Variants in ABCC5 observed in about 807,000 individuals in gnomAD.
ABCC5 encodes the protein ATP-binding cassette sub-family C member 5.
In ABCC5, 61 loss-of-function variants were observed where a neutral mutation model predicts 160.9. The ratio of observed to expected loss-of-function variants is 0.38; its 90% CI spans 0.31 to 0.47. ABCC5 has a LOEUF of 0.47. ABCC5 is among the 20% of genes least tolerant of loss of function. ABCC5 has a pLI of 0.99. For synonymous variants in ABCC5, 666 were observed against 700.6 expected (o/e 0.95, Z 0.78); for missense variants, 1,308 against 1,813.3 (o/e 0.72, Z 5.06).
chr3:183,985,834 T>C (rs139401206), intron 5 of ABCC5: 138 of 183,888 alleles, frequency 7.5e-4, no homozygotes, highest in Non-Finnish European at 1.4e-3. Flanking sequence ...GGTGTATAAA[T>C]GTCAGCATCA....
At chr3:183,983,825 C>A (rs2108857084) in intron 5 of ABCC5, 1 of 985,432 alleles carries the variant, frequency 1.0e-6, no homozygotes, top group African/African-American at 1.7e-5. Context: ...CTCACAAACA[C>A]TGTACAGCAG....
chr3:183,924,145 A>C (rs1453634544), intron 29 of ABCC5, among the ~76,000 whole-genome samples: 1 of 150,138 alleles, frequency 6.7e-6, no homozygotes, highest in Non-Finnish European at 1.5e-5. Flanking sequence ...CAAATTCCTT[A>C]GTAGCTGGGA....
chr3:183,959,699 T>C (rs754715316), intron 17 of ABCC5, 34 bp downstream of exon 17: 1 of 1,472,878 alleles, frequency 6.8e-7, no homozygotes, highest in Non-Finnish European at 9.4e-7. Flanking sequence ...TAAACTTTGA[T>C]GACAAATCTA....
At chr3:183,994,007 A>G (rs1720015467) in intron 2 of ABCC5, among the ~76,000 whole-genome samples, 1 of 143,792 alleles carries the variant, frequency 7.0e-6, no homozygotes, top group Non-Finnish European at 1.5e-5. Flanking sequence ...TCTGTCACCC[A>G]GGATGGAGTG....
At chr3:184,004,070 G>A (rs1020232232) in intron 2 of ABCC5, among the ~76,000 whole-genome samples, 4 of 152,142 alleles carry the variant, frequency 2.6e-5, no homozygotes, top group African/African-American at 9.7e-5. Context: ...GTCTGGAATA[G>A]GACCCCAACA....
Position 183,925,602 on chromosome 3 carries a change from G to A in ABCC5, c.4165C>T (p.His1389Tyr), listed in dbSNP as rs370920413. The A allele has an allele frequency of 1.9e-6, 3 of 1,613,874 alleles. No homozygotes were observed. The highest frequency in any genetic ancestry group is 1.3e-5 in the African/African-American group (1 of 74,846). ...ATCCTATCGGAGCCTAGAACCGTGT[G>A]CAGGCGATGGGCAATGGTCAGCATG... is the stretch of plus-strand genomic sequence containing the variant. ...CTMLTIAHRL[H>Y]TVLGSDRIMV... is the part of the protein sequence containing the mutation. The change falls in exon 29 of 30, where the codon CAC (histidine) becomes TAC (tyrosine). Residue 1389 changes from histidine to tyrosine, a missense_variant. Coordinates refer to ENST00000334444, the MANE Select transcript of ABCC5 (RefSeq NM_005688.4).
chr3:184,015,578 G>T (rs781068285), intron 1 of ABCC5, among the ~76,000 whole-genome samples: 10 of 151,928 alleles, frequency 6.6e-5, no homozygotes, highest in Non-Finnish European at 1.3e-4. Flanking sequence ...GAATAAAAAG[G>T]ACTAAATCTC....
At chr3:183,957,777 T>TGTGTATATCACATCGGTTACACGA (rs1716292841) in intron 17 of ABCC5, among the ~76,000 whole-genome samples, 2 of 56,254 alleles carry the variant, frequency 3.6e-5, no homozygotes, top group East Asian at 6.4e-4. Context: ...CGGTTACACG[T>TGTGTATATCACATCGGTTACACGA]AAATCCGTGT....
intron 11 of ABCC5, among the ~76,000 whole-genome samples, chr3:183,970,998 G>A (rs756905613): frequency 1.8e-4 from 28 of 152,130 alleles, no homozygotes; most frequent in Non-Finnish European, 1.0e-4. Flanking sequence ...TGCTGGTTCC[G>A]AAATACATAG....
At chr3:183,953,815 G>A (rs1359786724) in intron 17 of ABCC5, among the ~76,000 whole-genome samples, 1 of 152,128 alleles carries the variant, frequency 6.6e-6, no homozygotes, top group Non-Finnish European at 1.5e-5. Flanking sequence ...ACAGTGATTC[G>A]GCACAGCTGG....
chr3:183,939,070 C>T (rs1714028556), intron 25 of ABCC5, among the ~76,000 whole-genome samples: 1 of 152,248 alleles, frequency 6.6e-6, no homozygotes, highest in Non-Finnish European at 1.5e-5. Context: ...TTTAGGCACA[C>T]TTCCTTTCGG....
intron 8 of ABCC5, among the ~76,000 whole-genome samples, chr3:183,981,123 T>G (rs576757957): frequency 6.6e-6 from 1 of 152,210 alleles, no homozygotes; most frequent in African/African-American, 2.4e-5. Context: ...TTTATTTAAA[T>G]TAAGTATCTA....
chr3:183,978,558 C>CTGGCAATCACCACCACAA lies in ABCC5; in HGVS notation c.1223_1240dup (p.Ile408_Ala413dup). The CTGGCAATCACCACCACAA allele has an allele frequency of 6.2e-7, 1 of 1,614,200 alleles. No homozygotes were observed. Among genetic ancestry groups the CTGGCAATCACCACCACAA allele is most frequent in the Admixed American group, 1.7e-5 (1 of 60,022 alleles). On this transcript the variant is annotated inframe_insertion, in exon 9 of 30. Transcript: ENST00000334444. ...CATATGAACAGAGAAGGTCACCACGCTGGCAATCACCACCACAATGGGAGC... is the reference window on the plus strand; with the variant it reads ...CATATGAACAGAGAAGGTCACCACGCTGGCAATCACCACCACAATGGCAATCACCACCACAATGGGAGC...
intron 2 of ABCC5, among the ~76,000 whole-genome samples, chr3:183,994,917 G>A (rs1481467575): frequency 6.7e-6 from 1 of 149,894 alleles, no homozygotes; most frequent in Non-Finnish European, 1.5e-5. Context: ...GAGTGCAATG[G>A]CATGATCACG....
At chr3:183,966,068 T>TGCAATGGTTCATG (rs1478905965) in intron 12 of ABCC5, among the ~76,000 whole-genome samples, 7 of 152,210 alleles carry the variant, frequency 4.6e-5, no homozygotes, top group Non-Finnish European at 8.8e-5. Flanking sequence ...TTGTGTTCAG[T>TGCAATGGTTCATG]TGCAATGGTT....
chr3:183,922,668 G>A (rs936091994), intron 29 of ABCC5, among the ~76,000 whole-genome samples: 2 of 152,248 alleles, frequency 1.3e-5, no homozygotes, highest in Non-Finnish European at 2.9e-5. Flanking sequence ...CTGTGGCAGA[G>A]GCTGAAATGC....
chr3:183,971,975 G>A (rs1212740466), intron 10 of ABCC5, 56 bp from the exon 11 acceptor site: 1 of 1,608,094 alleles, frequency 6.2e-7, no homozygotes, highest in Non-Finnish European at 8.5e-7. Context: ...AGACCAGGGA[G>A]ACAAGCCTAG....
At chr3:183,929,600 GGAA>G (rs1257441359) in intron 26 of ABCC5, among the ~76,000 whole-genome samples, 1 of 152,124 alleles carries the variant, frequency 6.6e-6, no homozygotes, top group Non-Finnish European at 1.5e-5. Flanking sequence ...GAAGGGAAGA[GGAA>G]GAAGGAGAGA....
intron 5 of ABCC5, chr3:183,985,819 A>C (rs1319085539): frequency 4.9e-6 from 1 of 205,488 alleles, no homozygotes; most frequent in African/African-American, 2.3e-5. Context: ...ACCTTGGATC[A>C]TCTTGGTGTA....
Sources: allele counts gnomAD v4.1 joint callset (sites outside exome capture counted in the v4.1 genomes callset), GRCh38; gene constraint gnomAD v4.1.1; transcripts MANE v1.5; gene names NCBI Gene and HGNC (gene_info 2026-07-23, HGNC 2026-07-21).